Variants in UBE3A observed in about 807,000 individuals in gnomAD.
UBE3A encodes the protein ubiquitin protein ligase E3A.
UBE3A carries 6 observed loss-of-function variants against 83.4 expected under a neutral mutation model. The observed-to-expected ratio is 0.07, with a 90% CI of 0.04 to 0.14. The LOEUF is 0.14. Among genes scored for constraint, UBE3A ranks in the 10% least tolerant of loss-of-function variants. The pLI is 1.00. For missense variants in UBE3A, 456 were observed against 1,036.1 expected, an observed-to-expected ratio of 0.44 and a Z score of 7.69; for synonymous variants, 337 against 355.4, an observed-to-expected ratio of 0.95 and a Z score of 0.58.
chr15:25,433,869 C>T (rs1436619092), intron 1 of UBE3A, among the ~76,000 whole-genome samples: 1 of 151,936 alleles, frequency 6.6e-6, no homozygotes, highest in Non-Finnish European at 1.5e-5. Context: ...GAGTTTGAAA[C>T]CAACCTGAAC....
At chr15:25,411,378 C>T (rs928582343) in intron 2 of UBE3A, among the ~76,000 whole-genome samples, 4 of 152,130 alleles carry the variant, frequency 2.6e-5, no homozygotes, top group Non-Finnish European at 4.4e-5. Flanking sequence ...TCACTTGAGG[C>T]CAGGAGTTCG....
rs28595505 is a variant in UBE3A at position 25,387,389 on chromosome 15, G to A, written c.63-11626C>T. On this transcript the variant is annotated intron_variant, in intron 4 of 12. Coordinates refer to ENST00000648336, the MANE Select transcript of UBE3A (RefSeq NM_130839.5). ...ACAAAAAAATTAGCCACACGTGGTG[G>A]CAGGCGCCTGTAGTCCCAGCTACTT... Among the ~76,000 whole-genome samples the A allele has an allele frequency of 4.7e-3, 711 of 152,246 alleles. 2 individuals are homozygous for A. Among genetic ancestry groups the A allele is most frequent in the African/African-American group, 0.015 (631 of 41,550 alleles).
chr15:25,341,467 G>T (rs1414332792), intron 11 of UBE3A, among the ~76,000 whole-genome samples: 1 of 151,546 alleles, frequency 6.6e-6, no homozygotes, highest in East Asian at 1.9e-4. Context: ...TAGTTATTTA[G>T]AAAGTTCTTT....
intron 11 of UBE3A, among the ~76,000 whole-genome samples, chr15:25,350,931 GA>G (rs1425326669): frequency 6.6e-6 from 1 of 152,160 alleles, no homozygotes; most frequent in African/African-American, 2.4e-5. Flanking sequence ...CACTGGAAGG[GA>G]AAACATGGGA....
intron 8 of UBE3A, 58 bp downstream of exon 8, chr15:25,356,633 A>G (rs1362397840): frequency 2.6e-6 from 4 of 1,525,630 alleles, no homozygotes; most frequent in Non-Finnish European, 3.6e-6. Flanking sequence ...CATAAATTAA[A>G]TTTTTGCATT....
intron 11 of UBE3A, among the ~76,000 whole-genome samples, chr15:25,347,566 G>A (rs1722333999): frequency 6.6e-6 from 1 of 152,122 alleles, no homozygotes; most frequent in Non-Finnish European, 1.5e-5. Context: ...CAGGTGTGGT[G>A]GCATGTGCCT....
chr15:25,436,651 G>A (rs1895176617), intron 1 of UBE3A, among the ~76,000 whole-genome samples: 1 of 152,116 alleles, frequency 6.6e-6, no homozygotes, highest in Non-Finnish European at 1.5e-5. Context: ...GACACTGTAG[G>A]TACCCAATAA....
chr15:25,368,380 A>T (rs942279454), intron 6 of UBE3A, among the ~76,000 whole-genome samples: 2 of 152,046 alleles, frequency 1.3e-5, no homozygotes, highest in African/African-American at 4.8e-5. Flanking sequence ...ACATTCTGTT[A>T]TTTTTTTAAA....
chr15:25,436,214 A>C (rs576789818), intron 1 of UBE3A, among the ~76,000 whole-genome samples: 11 of 152,358 alleles, frequency 7.2e-5, no homozygotes, highest in African/African-American at 2.6e-4. Context: ...AAGAGCACCT[A>C]AGACTTCATC....
chr15:25,403,127 G>C (rs748421567), intron 4 of UBE3A, among the ~76,000 whole-genome samples: 9 of 152,102 alleles, frequency 5.9e-5, no homozygotes, highest in Admixed American at 3.9e-4. Flanking sequence ...CTGGCTATTG[G>C]AGAAAAGTCT....
Position 25,428,002 on chromosome 15 carries a change from CAT to C in UBE3A, c.-165+10485_-165+10486del, listed in dbSNP as rs370268941. 4.4e-3 allele frequency among the ~76,000 whole-genome samples: 666 copies of C among 152,228 alleles called. 2 individuals carry two copies. Among genetic ancestry groups the C allele is most frequent in the African/African-American group, 0.014 (588 of 41,530 alleles). On this transcript the variant is annotated intron_variant, in intron 1 of 12. Coordinates refer to ENST00000648336, the MANE Select transcript of UBE3A (RefSeq NM_130839.5). The stretch of plus-strand genomic sequence containing the variant: ...GCCAAACACAGAAAGACAAATACCA[CAT>C]GTTCTCACTCATACATGGGCTAAAA...
intron 1 of UBE3A, chr15:25,419,013 A>G (rs1888384323): frequency 6.6e-6 from 1 of 152,202 alleles, no homozygotes; most frequent in African/African-American, 2.4e-5. Flanking sequence ...ATTACTTATA[A>G]TACCAAATAC....
chr15:25,407,459 T>A (rs1034910939), intron 3 of UBE3A: 2 of 182,586 alleles, frequency 1.1e-5, no homozygotes, highest in African/African-American at 4.8e-5. Context: ...TTACAAAGTT[T>A]TGAGATCCTG....
Position 25,394,840 on chromosome 15 carries a change from G to A in UBE3A, c.62+10621C>T, listed in dbSNP as rs996170958. Among the ~76,000 whole-genome samples, 3 of 152,252 alleles carry A rather than the reference G, an allele frequency of 2.0e-5. 1 individual carries two copies. The highest frequency in any genetic ancestry group is 6.8e-3 in the Middle Eastern group (2 of 294). On this transcript the variant is annotated intron_variant, in intron 4 of 12. Transcript: ENST00000648336. ...AAATTTACTAGCTTCATTCTTTCAT[G>A]TAGGAAGTAGTTACTGACTACCTAC...
At chr15:25,405,701 T>C (rs1053405355) in intron 3 of UBE3A, 199 bp from the exon 4 acceptor site, 1 of 600,558 alleles carries the variant, frequency 1.7e-6, no homozygotes, top group Non-Finnish European at 3.0e-6. Flanking sequence ...GGTTGGACTA[T>C]TAAAAAACTC....
chr15:25,370,899 C>T lies in UBE3A; in HGVS notation c.1275G>A (p.Leu425=). ...RNKKGPRVDP[L]ETELGVKTLD... ...GGGTTTTAACACCAAGTTCAGTTTC[C>T]AGGGGGTCCACTCGAGGACCTTTCT... The change falls in exon 6 of 13, where the codon CTG becomes CTA. Residue 425 remains leucine, a synonymous_variant. Coordinates refer to ENST00000648336, the MANE Select transcript of UBE3A (RefSeq NM_130839.5). The surrounding 1 kb of genome is among the most constrained non-coding windows in gnomAD (Gnocchi z 4.2). 1 of 1,613,960 alleles carries T rather than the reference C, an allele frequency of 6.2e-7. No homozygotes were observed. The highest frequency in any genetic ancestry group is 2.2e-5 in the East Asian group (1 of 44,876).
intron 4 of UBE3A, among the ~76,000 whole-genome samples, chr15:25,399,468 C>T (rs1463027450): frequency 6.6e-6 from 1 of 152,164 alleles, no homozygotes; most frequent in Non-Finnish European, 1.5e-5. Flanking sequence ...ACTTCCCTTT[C>T]CCCGCTGTGT....
At chr15:25,415,507 G>A (rs1410735753) in intron 1 of UBE3A, among the ~76,000 whole-genome samples, 1 of 151,916 alleles carries the variant, frequency 6.6e-6, no homozygotes, top group African/African-American at 2.4e-5. Flanking sequence ...GACTTCACTC[G>A]GAAATGGTCC....
chr15:25,362,458 TCA>T (rs1479522305), intron 6 of UBE3A, among the ~76,000 whole-genome samples: 1 of 152,176 alleles, frequency 6.6e-6, no homozygotes, highest in East Asian at 1.9e-4. Context: ...CAATTAAGCC[TCA>T]GTTTCCTCAA....
Sources: gnomAD v4.1 joint callset for allele counts (sites outside exome capture counted in the v4.1 genomes callset) on GRCh38, gnomAD v4.1.1 for gene constraint, Gnocchi (gnomAD v3.1) non-coding constraint, MANE v1.5 for transcripts, NCBI Gene and HGNC (gene_info 2026-07-23, HGNC 2026-07-21) for gene names.